PTPN6: variants seen among roughly 807,000 people sequenced by gnomAD.
The protein encoded by PTPN6 is protein tyrosine phosphatase non-receptor type 6.
Under a neutral mutation model 81.5 loss-of-function variants are expected in PTPN6, and 18 were observed. That is an observed-to-expected ratio of 0.22 (90% CI 0.15 to 0.33). PTPN6 has a LOEUF of 0.33. PTPN6 is among the 10% of genes least tolerant of loss of function. The probability of loss-of-function intolerance (pLI) is 1.00; values close to 1 mark genes in which losing one functional copy is unlikely to be tolerated. For synonymous variants in PTPN6, 301 were observed against 310.9 expected (o/e 0.97, Z 0.33); for missense variants, 500 against 794.2 (o/e 0.63, Z 4.45).
chr12:6,952,377 C>T lies in PTPN6; in HGVS notation c.326+200C>T. ...CTCAGAGCCTAACCTACCACCCTTT[C>T]CACCTAACCCCGAGGAAGCCACAGA... On this transcript the variant is annotated intron_variant, in intron 3 of 15. Transcript: ENST00000318974. This position sits in a 1 kb window ranked among gnomAD's most constrained non-coding sequence, Gnocchi z 8.1. 1 of 651,672 alleles carries T rather than the reference C, an allele frequency of 1.5e-6. No individual in the cohort carries two copies. The allele number at this position is 651,672 out of a possible 1,614,324, so 40.4% of individuals were successfully genotyped here.
Position 6,961,159 on chromosome 12 carries a change from T to G in PTPN6, c.*59T>G. Reference sequence around the variant, plus strand: ...CTGACCCTGTGGAAGCATTTCGCGATGGACAGACTCACAACCTGAACCTAG... The same window carrying G: ...CTGACCCTGTGGAAGCATTTCGCGAGGGACAGACTCACAACCTGAACCTAG... On this transcript the variant is annotated 3_prime_UTR_variant, in exon 16 of 16. Coordinates refer to ENST00000318974, the MANE Select transcript of PTPN6 (RefSeq NM_002831.6). The G allele has an allele frequency of 5.9e-6, 4 of 677,618 alleles. No individual in the cohort carries two copies. Among genetic ancestry groups the G allele is most frequent in the Non-Finnish European group, 7.2e-6 (3 of 416,634 alleles). 42.0% of individuals were successfully genotyped at this position (677,618 alleles called of 1,614,324 possible). A position where few individuals can be genotyped will look rare whatever the true frequency, so the allele number is the denominator to read the frequency against.
chr12:6,957,629 T>TGG lies in PTPN6; in HGVS notation c.1075-25_1075-24insGG. ...CCACAGTGCCCTGCTCTGTGCCTCA[T>TGG]CCCCACCCGACCCTCCCTTTCCAGA... is the stretch of plus-strand genomic sequence containing the variant. On this transcript the variant is annotated intron_variant, in intron 9 of 15. Transcript: ENST00000318974. This position sits in a 1 kb window ranked among gnomAD's most constrained non-coding sequence, Gnocchi z 6.5. The TGG allele has an allele frequency of 7.9e-6, 12 of 1,521,364 alleles. No individual in the cohort carries two copies. Among genetic ancestry groups the TGG allele is most frequent in the Admixed American group, 1.7e-5 (1 of 58,730 alleles). 94.2% of individuals were successfully genotyped at this position (1,521,364 alleles called of 1,614,324 possible). A position where few individuals can be genotyped will look rare whatever the true frequency, so the allele number is the denominator to read the frequency against.
chr12:6,951,123 AG>A (rs1372449963), upstream of PTPN6: 5 of 787,632 alleles, frequency 6.3e-6, no homozygotes, highest in Non-Finnish European at 8.7e-6. This position sits in a 1 kb window ranked among gnomAD's most constrained non-coding sequence, Gnocchi z 7.2. Flanking sequence ...CTGGGCCTGG[AG>A]TGTGCAAGGC....
At position 6,954,261 on chromosome 12, in the gene PTPN6, C is replaced by T. The variant is rs1174728313; in HGVS notation, c.327-544C>T. On this transcript the variant is annotated intron_variant, in intron 3 of 15. Transcript: ENST00000318974. The surrounding 1 kb of genome is among the most constrained non-coding windows in gnomAD (Gnocchi z 5.4). Reference sequence around the variant, plus strand: ...TTCCTTGTGACTTGAGTCTGTGTGTCCATCTCCCACCACTCCCTGTGGTGT... The same window carrying T: ...TTCCTTGTGACTTGAGTCTGTGTGTTCATCTCCCACCACTCCCTGTGGTGT... Among the ~76,000 whole-genome samples the T allele has an allele frequency of 7.2e-5, 11 of 152,228 alleles. No homozygotes were observed. The highest frequency in any genetic ancestry group is 7.2e-4 in the Admixed American group (11 of 15,288).
In PTPN6 at chr12:6,959,676, G is replaced by A; in HGVS notation, c.1362-251G>A. 1 of 591,962 alleles carries A rather than the reference G, an allele frequency of 1.7e-6. No individual in the cohort carries two copies. 36.7% of individuals were successfully genotyped at this position (591,962 alleles called of 1,614,324 possible). A position where few individuals can be genotyped will look rare whatever the true frequency, so the allele number is the denominator to read the frequency against. On this transcript the variant is annotated intron_variant, in intron 11 of 15. Transcript: ENST00000318974. The surrounding 1 kb of genome is among the most constrained non-coding windows in gnomAD (Gnocchi z 6.6). The stretch of plus-strand genomic sequence containing the variant: ...CACTAGGAGTGAGGAGTCGGCGCGA[G>A]GAGTGGAGGAGGGAAGGATGGTGGC...
Position 6,954,997 on chromosome 12 carries a change from A to G in PTPN6, c.516+3A>G. The G allele has an allele frequency of 6.2e-7, 1 of 1,614,074 alleles. No homozygotes were observed. Among genetic ancestry groups the G allele is most frequent in the Non-Finnish European group, 8.5e-7 (1 of 1,180,012 alleles). On this transcript the variant is annotated splice_donor_region_variant and intron_variant, in intron 4 of 15. Transcript: ENST00000318974. This position sits in a 1 kb window ranked among gnomAD's most constrained non-coding sequence, Gnocchi z 5.4. Reference sequence around the variant, plus strand: ...CCCACATCAAGGTCATGTGCGAGGTAAGGCAGCCAGGCGGCGGGGGAGCCT... The same window carrying G: ...CCCACATCAAGGTCATGTGCGAGGTGAGGCAGCCAGGCGGCGGGGGAGCCT...
Position 6,951,766 on chromosome 12 carries a change from C to G in PTPN6, c.131+35C>G. ...CCCCCCGCAACCCCGGGCATTTTGGCCACTCTCTTGTGCCATCCAGGCCCT... is the reference window on the plus strand; with the variant it reads ...CCCCCCGCAACCCCGGGCATTTTGGGCACTCTCTTGTGCCATCCAGGCCCT... On this transcript the variant is annotated intron_variant, in intron 2 of 15. Coordinates refer to ENST00000318974, the MANE Select transcript of PTPN6 (RefSeq NM_002831.6). This position sits in a 1 kb window ranked among gnomAD's most constrained non-coding sequence, Gnocchi z 7.2. The G allele has an allele frequency of 6.2e-7, 1 of 1,607,142 alleles. No homozygotes were observed. The highest frequency in any genetic ancestry group is 8.5e-7 in the Non-Finnish European group (1 of 1,179,958).
rs781935785 is a variant in PTPN6, at chr12:6,955,313, C to G, written c.633+46C>G. The G allele has an allele frequency of 6.2e-7, 1 of 1,611,756 alleles. No individual in the cohort carries two copies. The highest frequency in any genetic ancestry group is 1.1e-5 in the South Asian group (1 of 91,032). Reference sequence around the variant, plus strand: ...CCTCCCCACTTCCCCTGAGCTGTCCCCCAGATGTGAGCTTCTGGGATCTCT... The same window carrying G: ...CCTCCCCACTTCCCCTGAGCTGTCCGCCAGATGTGAGCTTCTGGGATCTCT... On this transcript the variant is annotated intron_variant, in intron 5 of 15. Coordinates refer to ENST00000318974, the MANE Select transcript of PTPN6 (RefSeq NM_002831.6). The surrounding 1 kb of genome is among the most constrained non-coding windows in gnomAD (Gnocchi z 7.2).
chr12:6,949,700 C>T (rs1173764288), upstream of PTPN6, among the ~76,000 whole-genome samples: 1 of 151,998 alleles, frequency 6.6e-6, no homozygotes, highest in East Asian at 1.9e-4. Context: ...ATTTGTCAGG[C>T]GGGGATTCTG....
Position 6,960,012 on chromosome 12 carries a change from G to C in PTPN6, c.1429+18G>C. 1 of 1,181,064 alleles carries C rather than the reference G, an allele frequency of 8.5e-7. No individual in the cohort carries two copies. Among genetic ancestry groups the C allele is most frequent in the South Asian group, 1.2e-5 (1 of 83,094 alleles). The allele number at this position is 1,181,064 out of a possible 1,614,324, so 73.2% of individuals were successfully genotyped here. On this transcript the variant is annotated intron_variant, in intron 12 of 15. Transcript: ENST00000318974. The surrounding 1 kb of genome is among the most constrained non-coding windows in gnomAD (Gnocchi z 6.1). ...CACCAAGGGTGAGGGGCACCTGGGG[G>C]TTTGGGGGTGGGGGGTGAGCAGCCC...
In PTPN6 at chr12:6,956,300, G is replaced by A. The variant is rs782743951; in HGVS notation, c.924+79G>A. 1.4e-5 allele frequency: 22 copies of A among 1,609,406 alleles called. No homozygotes were observed. The African/African-American group carries it at 2.4e-4, about 18-fold the overall frequency. ...CTGGTGGGGGGACCCTAGATCCAGA[G>A]ACAGCTGGGCAAAGCCGAAGCTGGC... On this transcript the variant is annotated intron_variant, in intron 8 of 15. Transcript: ENST00000318974. The surrounding 1 kb of genome is among the most constrained non-coding windows in gnomAD (Gnocchi z 4.1).
In PTPN6 at chr12:6,956,188, C is replaced by A. The variant is rs782293822; in HGVS notation, c.891C>A (p.Pro297=). ...VILQGRDSNI[P]GSDYINANYI... ...TGCAGGGACGGGACAGTAACATCCC[C>A]GGGTCCGACTACATCAATGCCAACT... Residue 297 remains proline, a synonymous_variant, in exon 8 of 16, where the codon CCC becomes CCA. Coordinates refer to ENST00000318974, the MANE Select transcript of PTPN6 (RefSeq NM_002831.6). The surrounding 1 kb of genome is among the most constrained non-coding windows in gnomAD (Gnocchi z 4.1). The A allele has an allele frequency of 6.2e-7, 1 of 1,614,180 alleles. No homozygotes were observed. Among genetic ancestry groups the A allele is most frequent in the Non-Finnish European group, 8.5e-7 (1 of 1,180,032 alleles).
At chr12:6,948,862 T>C (rs1301040520), upstream of PTPN6, among the ~76,000 whole-genome samples, 3 of 151,520 alleles carry the variant, frequency 2.0e-5, no homozygotes, top group African/African-American at 7.3e-5. Context: ...GGAGAATTGC[T>C]TGAACCCAGG....
Position 6,955,875 on chromosome 12 carries a change from G to A in PTPN6, c.844+119G>A, listed in dbSNP as rs1258574675. 3.1e-6 allele frequency: 3 copies of A among 969,872 alleles called. No homozygotes were observed. Among genetic ancestry groups the A allele is most frequent in the Non-Finnish European group, 4.8e-6 (3 of 627,002 alleles). 60.1% of individuals were successfully genotyped at this position (969,872 alleles called of 1,614,324 possible). ...GGGCCATCTCCCCACACCCCCCACA[G>A]AGCCTCCCCCTTCTCCAAAAGGCCT... On this transcript the variant is annotated intron_variant, in intron 7 of 15. Transcript: ENST00000318974. The surrounding 1 kb of genome is among the most constrained non-coding windows in gnomAD (Gnocchi z 7.2).
chr12:6,960,260 G>C lies in PTPN6; in HGVS notation c.1581+21G>C, dbSNP rs782694279. The C allele has an allele frequency of 2.1e-6, 1 of 471,182 alleles. No homozygotes were observed. Among genetic ancestry groups the C allele is most frequent in the South Asian group, 4.9e-5 (1 of 20,318 alleles). The allele number at this position is 471,182 out of a possible 1,614,324, so 29.2% of individuals were successfully genotyped here. On this transcript the variant is annotated intron_variant, in intron 13 of 15. Coordinates refer to ENST00000318974, the MANE Select transcript of PTPN6 (RefSeq NM_002831.6). This position sits in a 1 kb window ranked among gnomAD's most constrained non-coding sequence, Gnocchi z 6.1. ...TGCAGGTGCGTGCAGAGCAGGGCCT[G>C]GGGGGGGGGGGGGCTGCAGTGCAGG... is the stretch of plus-strand genomic sequence containing the variant.
At position 6,956,390 on chromosome 12, in the gene PTPN6, G is replaced by T. The variant is rs782557065; in HGVS notation, c.925-29G>T. The T allele has an allele frequency of 1.9e-6, 3 of 1,614,112 alleles. No homozygotes were observed. Among genetic ancestry groups the T allele is most frequent in the Non-Finnish European group, 2.5e-6 (3 of 1,180,020 alleles). ...GCTGGGCCAAGGGGCTCACTGTCTT[G>T]GGGTGCGTCTCTCCACGCTTGCGTC... On this transcript the variant is annotated intron_variant, in intron 8 of 15. Transcript: ENST00000318974. This position sits in a 1 kb window ranked among gnomAD's most constrained non-coding sequence, Gnocchi z 4.1.
upstream of PTPN6, among the ~76,000 whole-genome samples, chr12:6,950,482 C>T (rs1555147556): frequency 6.6e-6 from 1 of 152,168 alleles, no homozygotes; most frequent in Non-Finnish European, 1.5e-5. Flanking sequence ...CCCCAGCCCC[C>T]CAGGAGATAG....
Position 6,957,585 on chromosome 12 carries a change from G to T in PTPN6, c.1075-69G>T. On this transcript the variant is annotated intron_variant, in intron 9 of 15. Coordinates refer to ENST00000318974, the MANE Select transcript of PTPN6 (RefSeq NM_002831.6). This position sits in a 1 kb window ranked among gnomAD's most constrained non-coding sequence, Gnocchi z 6.5. Reference sequence around the variant, plus strand: ...GCCGGTGCCAGGCACTCAGAACATAGAGCAGGACCTGGGATGGGCCACAGT... The same window carrying T: ...GCCGGTGCCAGGCACTCAGAACATATAGCAGGACCTGGGATGGGCCACAGT... The T allele has an allele frequency of 1.3e-6, 2 of 1,574,664 alleles. No homozygotes were observed. Among genetic ancestry groups the T allele is most frequent in the Non-Finnish European group, 8.7e-7 (1 of 1,154,808 alleles).
In PTPN6 at chr12:6,961,215, C is replaced by A. The variant is rs1394467468; in HGVS notation, c.*115C>A. Reference sequence around the variant, plus strand: ...CCCCATTCTTTTGTAATTTAAATGGCTGCATCCCCCCCACCTCTCCCTGAC... The same window carrying A: ...CCCCATTCTTTTGTAATTTAAATGGATGCATCCCCCCCACCTCTCCCTGAC... On this transcript the variant is annotated 3_prime_UTR_variant, in exon 16 of 16. Coordinates refer to ENST00000318974, the MANE Select transcript of PTPN6 (RefSeq NM_002831.6). 1 of 459,528 alleles carries A rather than the reference C, an allele frequency of 2.2e-6. No homozygotes were observed. Among genetic ancestry groups the A allele is most frequent in the Non-Finnish European group, 4.0e-6 (1 of 250,126 alleles). The allele number at this position is 459,528 out of a possible 1,614,324, so 28.5% of individuals were successfully genotyped here.
Sources: gnomAD v4.1 joint callset for allele counts (sites outside exome capture counted in the v4.1 genomes callset) on GRCh38, gnomAD v4.1.1 for gene constraint, Gnocchi (gnomAD v3.1) non-coding constraint, MANE v1.5 for transcripts, NCBI Gene and HGNC (gene_info 2026-07-23, HGNC 2026-07-21) for gene names.